MSI2: variants seen among roughly 807,000 people sequenced by gnomAD.
MSI2 encodes musashi RNA binding protein 2.
A neutral mutation model predicts 45.6 loss-of-function variants in MSI2; 17 were observed. The ratio of observed to expected loss-of-function variants is 0.37; its 90% CI spans 0.26 to 0.56. The LOEUF is 0.56. MSI2 is among the 20% of genes least tolerant of loss of function. The pLI, the probability that MSI2 is intolerant of heterozygous loss-of-function variation, is 0.77. For synonymous variants in MSI2, 156 were observed against 158.2 expected (o/e 0.99, Z 0.11); for missense variants, 293 against 444.2 (o/e 0.66, Z 3.06).
intron 10 of MSI2, among the ~76,000 whole-genome samples, chr17:57,634,688 A>G (rs1043161588): frequency 1.3e-5 from 2 of 152,248 alleles, no homozygotes; most frequent in African/African-American, 4.8e-5. Flanking sequence ...CACAAAAGTA[A>G]TAAGACACAA....
intron 5 of MSI2, among the ~76,000 whole-genome samples, chr17:57,282,879 C>T (rs1015073833): frequency 1.1e-4 from 14 of 123,138 alleles, no homozygotes; most frequent in Admixed American, 1.1e-3. Context: ...AGAGACTTGC[C>T]GTCAGGGCAG....
intron 10 of MSI2, chr17:57,631,588 G>A: frequency 5.3e-6 from 3 of 562,590 alleles, no homozygotes; most frequent in Admixed American, 3.3e-5. Flanking sequence ...TTCTAGAAAG[G>A]CTGGGTGGTG....
At chr17:57,622,527 C>T (rs1908404504) in intron 9 of MSI2, among the ~76,000 whole-genome samples, 1 of 152,116 alleles carries the variant, frequency 6.6e-6, no homozygotes, top group Admixed American at 6.5e-5. Context: ...GGCCCAGAAA[C>T]GAAGAGAGGC....
downstream of MSI2, among the ~76,000 whole-genome samples, chr17:57,687,499 T>C (rs1002115148): frequency 6.6e-6 from 1 of 151,674 alleles, no homozygotes; most frequent in Admixed American, 6.6e-5. Context: ...ACCAAAAAAT[T>C]CAGGGGAATC....
intron 5 of MSI2, among the ~76,000 whole-genome samples, chr17:57,271,558 A>C (rs977270024): frequency 6.6e-5 from 10 of 151,972 alleles, no homozygotes; most frequent in African/African-American, 2.2e-4. Context: ...TAGGAGAATA[A>C]ATTCCTTGGG....
At chr17:57,342,248 G>A (rs150168253) in intron 5 of MSI2, among the ~76,000 whole-genome samples, 24 of 152,270 alleles carry the variant, frequency 1.6e-4, no homozygotes, top group African/African-American at 5.5e-4. Flanking sequence ...ACACCTCTTT[G>A]ATACATGGAC....
At chr17:57,604,941 A>T (rs1193098857) in intron 8 of MSI2, among the ~76,000 whole-genome samples, 1 of 122,758 alleles carries the variant, frequency 8.1e-6, no homozygotes, top group East Asian at 2.9e-4. Context: ...CCAGCCCAAA[A>T]GTGGTGGGTG....
At chr17:57,502,636 T>TATATAGAGAGAG in intron 6 of MSI2, among the ~76,000 whole-genome samples, 1 of 96,898 alleles carries the variant, frequency 1.0e-5, no homozygotes, top group Non-Finnish European at 2.1e-5. Flanking sequence ...TATATATATA[T>TATATAGAGAGAG]AGTCATCATT....
At chr17:57,514,140 C>T (rs1289043984) in intron 6 of MSI2, among the ~76,000 whole-genome samples, 5 of 152,112 alleles carry the variant, frequency 3.3e-5, no homozygotes, top group Non-Finnish European at 7.3e-5. Flanking sequence ...AGGAACAGGA[C>T]GTTGGCCCCT....
At chr17:57,509,604 A>T (rs574637439) in intron 6 of MSI2, among the ~76,000 whole-genome samples, 1 of 152,176 alleles carries the variant, frequency 6.6e-6, no homozygotes, top group South Asian at 2.1e-4. Context: ...TATTTTTAGT[A>T]GAGATGGTGT....
intron 6 of MSI2, among the ~76,000 whole-genome samples, chr17:57,472,462 G>A (rs1423010358): frequency 6.6e-6 from 1 of 151,834 alleles, no homozygotes; most frequent in Non-Finnish European, 1.5e-5. Context: ...TAGTAGGCAG[G>A]GGGAGGGGCA....
intron 7 of MSI2, among the ~76,000 whole-genome samples, chr17:57,533,518 G>T (rs2086863951): frequency 6.6e-6 from 1 of 152,258 alleles, no homozygotes; most frequent in African/African-American, 2.4e-5. Context: ...AGGACCTGAA[G>T]TATGTTTCTG....
At chr17:57,481,460 A>T (rs532661279) in intron 6 of MSI2, among the ~76,000 whole-genome samples, 13 of 152,214 alleles carry the variant, frequency 8.5e-5, no homozygotes, top group Non-Finnish European at 1.5e-4. Flanking sequence ...AGCCTTTAAA[A>T]TACCACAATT....
chr17:57,377,644 G>A (rs1375192677), intron 5 of MSI2, among the ~76,000 whole-genome samples: 1 of 152,110 alleles, frequency 6.6e-6, no homozygotes, highest in Non-Finnish European at 1.5e-5. Context: ...GCAGAATTTG[G>A]AAAGACATGC....
chr17:57,358,204 G>GGT (rs1295831661), intron 5 of MSI2, among the ~76,000 whole-genome samples: 57 of 72,504 alleles, frequency 7.9e-4, no homozygotes, highest in Non-Finnish European at 1.2e-3. Flanking sequence ...TGTGTGGGGG[G>GGT]GTGTGTGTGT....
intron 11 of MSI2, among the ~76,000 whole-genome samples, chr17:57,660,311 G>C (rs1194064249): frequency 6.6e-6 from 1 of 152,202 alleles, no homozygotes; most frequent in East Asian, 1.9e-4. Flanking sequence ...GCTTGGCTAA[G>C]GCTGGGGTTA....
intron 9 of MSI2, among the ~76,000 whole-genome samples, chr17:57,620,249 GTAA>G (rs1374282232): frequency 6.6e-6 from 1 of 152,188 alleles, no homozygotes; most frequent in African/African-American, 2.4e-5. Flanking sequence ...TACCCATGGG[GTAA>G]TAATCTTACT....
intron 6 of MSI2, among the ~76,000 whole-genome samples, chr17:57,479,471 C>T (rs984359448): frequency 6.6e-6 from 1 of 152,054 alleles, no homozygotes; most frequent in Non-Finnish European, 1.5e-5. Flanking sequence ...TTTTCCCAAC[C>T]CTGCTGTGGG....
At chr17:57,540,435 A>G (rs376625323) in intron 7 of MSI2, among the ~76,000 whole-genome samples, 4 of 152,206 alleles carry the variant, frequency 2.6e-5, no homozygotes, top group African/African-American at 9.7e-5. Context: ...CTCCAAAAGC[A>G]TAAGTTGAAG....
Sources: gnomAD v4.1 joint callset for allele counts (sites outside exome capture counted in the v4.1 genomes callset) on GRCh38, gnomAD v4.1.1 for gene constraint, MANE v1.5 for transcripts, NCBI Gene and HGNC (gene_info 2026-07-23, HGNC 2026-07-21) for gene names.